The following MTREX variants were observed in gnomAD, a reference collection of about 807,000 sequenced individuals.
MTREX encodes Mtr4 exosome RNA helicase.
A neutral mutation model predicts 135.4 loss-of-function variants in MTREX; 76 were observed. That is an observed-to-expected ratio of 0.56 (90% CI 0.47 to 0.68). MTREX has a LOEUF of 0.68. MTREX is among the 30% of genes least tolerant of loss of function. The pLI is 0.00. For missense variants in MTREX, 920 were observed against 1,262.1 expected, an observed-to-expected ratio of 0.73 and a Z score of 4.11; for synonymous variants, 404 against 401.6, an observed-to-expected ratio of 1.01 and a Z score of -0.07.
chr5:55,347,276 C>A, intron 11 of MTREX, 132 bp downstream of exon 11: 1 of 850,686 alleles, frequency 1.2e-6, no homozygotes, highest in Non-Finnish European at 1.7e-6. Context: ...GTACTCAGCA[C>A]ATTTGTAAAA....
intron 11 of MTREX, 113 bp from the exon 12 acceptor site, chr5:55,349,460 A>G: frequency 3.0e-6 from 2 of 674,128 alleles, no homozygotes. Flanking sequence ...AAGTGCTAGG[A>G]TTACAAGCTT....
intron 11 of MTREX, among the ~76,000 whole-genome samples, chr5:55,348,324 C>G (rs1749772494): frequency 6.6e-6 from 1 of 152,108 alleles, no homozygotes; most frequent in African/African-American, 2.4e-5. Flanking sequence ...AGGCATTAAT[C>G]CATTCATGAG....
intron 26 of MTREX, chr5:55,423,861 A>G (rs1400199079): frequency 1.3e-5 from 2 of 152,226 alleles, no homozygotes; most frequent in Non-Finnish European, 2.9e-5. Flanking sequence ...CAAACAACTT[A>G]GTGTCCTAAG....
intron 20 of MTREX, among the ~76,000 whole-genome samples, chr5:55,399,503 T>G (rs1750690536): frequency 6.6e-6 from 1 of 152,198 alleles, no homozygotes; most frequent in South Asian, 2.1e-4. Context: ...TTTTTATTTT[T>G]TTGAGACGGA....
intron 15 of MTREX, among the ~76,000 whole-genome samples, chr5:55,361,758 CTT>C (rs34068588): frequency 6.7e-4 from 97 of 143,890 alleles, no homozygotes; most frequent in African/African-American, 1.2e-3. Flanking sequence ...GCATCCAGCC[CTT>C]TTTTTTTTTT....
At chr5:55,378,618 T>C in intron 17 of MTREX, 132 bp downstream of exon 17, 3 of 1,066,198 alleles carry the variant, frequency 2.8e-6, no homozygotes, top group African/African-American at 1.7e-5. Flanking sequence ...TTAATCATAT[T>C]ATTTTACCTG....
chr5:55,349,103 A>G (rs954782927), intron 11 of MTREX, among the ~76,000 whole-genome samples: 2 of 151,736 alleles, frequency 1.3e-5, no homozygotes, highest in African/African-American at 4.8e-5. Context: ...GCAGAGAATT[A>G]TATTGATTAT....
At chr5:55,369,968 GCAATGGCAA>G (rs1298024185) in intron 16 of MTREX, among the ~76,000 whole-genome samples, 4 of 149,670 alleles carry the variant, frequency 2.7e-5, no homozygotes, top group Non-Finnish European at 5.9e-5. Flanking sequence ...TATTGCCCAG[GCAATGGCAA>G]CAATGGCACG....
intron 21 of MTREX, among the ~76,000 whole-genome samples, chr5:55,401,465 C>T (rs1301213009): frequency 2.0e-5 from 3 of 152,106 alleles, no homozygotes; most frequent in Non-Finnish European, 4.4e-5. Context: ...CATTTGTATA[C>T]AAGTTTTTGT....
intron 1 of MTREX, among the ~76,000 whole-genome samples, chr5:55,312,413 C>CTT (rs763700339): frequency 1.1e-4 from 15 of 139,774 alleles, no homozygotes; most frequent in African/African-American, 4.1e-4. Context: ...ATTTCTTCTT[C>CTT]TTTTTTTTTT....
intron 23 of MTREX, among the ~76,000 whole-genome samples, chr5:55,413,200 GT>G (rs1360957393): frequency 6.6e-6 from 1 of 151,928 alleles, no homozygotes; most frequent in Non-Finnish European, 1.5e-5. Context: ...TTAGCTGGGC[GT>G]GGTGGCACTC....
chr5:55,392,453 G>C (rs1196921053), intron 19 of MTREX, among the ~76,000 whole-genome samples: 3 of 150,298 alleles, frequency 2.0e-5, no homozygotes, highest in Admixed American at 6.7e-5. Flanking sequence ...TGAGGCAGGA[G>C]ACTTACTTGA....
At chr5:55,344,769 G>T in intron 9 of MTREX, 149 bp downstream of exon 9, 2 of 569,554 alleles carry the variant, frequency 3.5e-6, no homozygotes, top group Non-Finnish European at 6.1e-6. Flanking sequence ...TGATTTTTTT[G>T]TGTGTTTTTA....
chr5:55,346,339 C>T (rs1286987839), intron 10 of MTREX, among the ~76,000 whole-genome samples: 1 of 152,196 alleles, frequency 6.6e-6, no homozygotes, highest in Non-Finnish European at 1.5e-5. Context: ...CCGTACTCCT[C>T]CTCCATAGAA....
chr5:55,324,671 C>T (rs1341340068), intron 3 of MTREX: 1 of 151,840 alleles, frequency 6.6e-6, no homozygotes, highest in East Asian at 1.9e-4. Flanking sequence ...TGGTCTCAAA[C>T]TCCTGACCTC....
intron 25 of MTREX, among the ~76,000 whole-genome samples, chr5:55,420,143 G>T (rs775463942): frequency 4.2e-5 from 6 of 143,500 alleles, no homozygotes; most frequent in Non-Finnish European, 1.6e-5. Flanking sequence ...TCAAGAAAGG[G>T]TTCAGCCTAA....
intron 11 of MTREX, among the ~76,000 whole-genome samples, chr5:55,349,185 CTTTTTTT>C (rs369214186): frequency 7.8e-6 from 1 of 128,726 alleles, no homozygotes; most frequent in African/African-American, 2.9e-5. Flanking sequence ...TTTAAAGACT[CTTTTTTT>C]TTTTTTTTTT....
chr5:55,329,953 CTAT>C (rs1201332490), intron 5 of MTREX, among the ~76,000 whole-genome samples: 1 of 151,916 alleles, frequency 6.6e-6, no homozygotes, highest in Non-Finnish European at 1.5e-5. Context: ...CTCACTGATA[CTAT>C]ATTCATTTTT....
chr5:55,343,296 A>G (rs748297445), intron 7 of MTREX, 35 bp from the exon 8 acceptor site: 1 of 1,562,498 alleles, frequency 6.4e-7, no homozygotes, highest in Non-Finnish European at 8.7e-7. Flanking sequence ...ACTGTAGTCC[A>G]ACTATAGTCC....
Sources: gnomAD v4.1 joint callset for allele counts (sites outside exome capture counted in the v4.1 genomes callset) on GRCh38, gnomAD v4.1.1 for gene constraint, MANE v1.5 for transcripts, NCBI Gene and HGNC (gene_info 2026-07-23, HGNC 2026-07-21) for gene names.